LRRTM4: variants seen among roughly 807,000 people sequenced by gnomAD.
LRRTM4 encodes leucine-rich repeat transmembrane neuronal protein 4.
A neutral mutation model predicts 47.6 loss-of-function variants in LRRTM4; 25 were observed. That is an observed-to-expected ratio of 0.53 (90% confidence interval 0.38 to 0.73). LRRTM4 has a LOEUF of 0.73. Ranked by LOEUF, LRRTM4 falls within the 30% of genes least tolerant of loss-of-function variation. The pLI is 0.00. For missense variants in LRRTM4, 638 were observed against 713.4 expected, an observed-to-expected ratio of 0.89 and a Z score of 1.20; for synonymous variants, 311 against 269.5, an observed-to-expected ratio of 1.15 and a Z score of -1.51.
At chr2:76,881,854 T>C (rs1573250922) in intron 3 of LRRTM4, among the ~76,000 whole-genome samples, 1 of 152,182 alleles carries the variant, frequency 6.6e-6, no homozygotes, top group Non-Finnish European at 1.5e-5. Flanking sequence ...ATTCTAACAC[T>C]GAACTTTTTA....
intron 3 of LRRTM4, among the ~76,000 whole-genome samples, chr2:76,841,372 A>C (rs911554076): frequency 6.6e-6 from 1 of 151,888 alleles, no homozygotes; most frequent in African/African-American, 2.4e-5. Flanking sequence ...ACATGTATAC[A>C]TATGTAACAA....
chr2:77,457,374 T>C (rs1676603274), intron 3 of LRRTM4, among the ~76,000 whole-genome samples: 1 of 152,138 alleles, frequency 6.6e-6, no homozygotes, highest in East Asian at 1.9e-4. Context: ...ATCTAAATAC[T>C]CTTCAAGACC....
At chr2:77,482,319 C>T (rs569526083) in intron 3 of LRRTM4, among the ~76,000 whole-genome samples, 32 of 151,956 alleles carry the variant, frequency 2.1e-4, no homozygotes, top group African/African-American at 7.2e-4. Flanking sequence ...AATTGAATAC[C>T]CTACATGAGA....
chr2:76,805,905 C>A (rs1234443679), intron 3 of LRRTM4, among the ~76,000 whole-genome samples: 1 of 152,098 alleles, frequency 6.6e-6, no homozygotes, highest in Non-Finnish European at 1.5e-5. Context: ...TAGGCACAAG[C>A]TCTAATAAAT....
intron 3 of LRRTM4, among the ~76,000 whole-genome samples, chr2:77,207,776 A>G (rs940156455): frequency 7.0e-6 from 1 of 142,362 alleles, no homozygotes; most frequent in Non-Finnish European, 1.5e-5. Flanking sequence ...AATAAATTAT[A>G]TTCTGTTTTT....
intron 3 of LRRTM4, among the ~76,000 whole-genome samples, chr2:77,360,973 G>C (rs1048812748): frequency 6.6e-6 from 1 of 151,738 alleles, no homozygotes; most frequent in Non-Finnish European, 1.5e-5. Context: ...CCCAGACTAG[G>C]ATGAATCAAA....
chr2:77,058,251 T>C (rs747504158), intron 3 of LRRTM4, among the ~76,000 whole-genome samples: 2 of 152,160 alleles, frequency 1.3e-5, no homozygotes, highest in Non-Finnish European at 2.9e-5. Flanking sequence ...TTTTTTTAAG[T>C]TGCTTTTGGT....
intron 3 of LRRTM4, among the ~76,000 whole-genome samples, chr2:77,468,037 T>G (rs1677046124): frequency 6.6e-6 from 1 of 152,188 alleles, no homozygotes; most frequent in South Asian, 2.1e-4. Context: ...TTTGTATTTT[T>G]TATTTCATTA....
At chr2:77,223,942 C>A (rs1674723923) in intron 3 of LRRTM4, among the ~76,000 whole-genome samples, 1 of 152,116 alleles carries the variant, frequency 6.6e-6, no homozygotes, top group Non-Finnish European at 1.5e-5. Context: ...AGGCATCACG[C>A]TACCTGACTT....
intron 3 of LRRTM4, among the ~76,000 whole-genome samples, chr2:77,280,025 C>T (rs1021245315): frequency 6.6e-6 from 1 of 151,954 alleles, no homozygotes; most frequent in South Asian, 2.1e-4. Flanking sequence ...GTCTGCATGG[C>T]AAAGGATAAT....
intron 3 of LRRTM4, among the ~76,000 whole-genome samples, chr2:77,049,142 A>G (rs1270806636): frequency 1.5e-5 from 2 of 132,698 alleles, no homozygotes; most frequent in African/African-American, 3.2e-5. Flanking sequence ...ATATATATAT[A>G]TATATATATA....
intron 3 of LRRTM4, among the ~76,000 whole-genome samples, chr2:77,088,775 G>A (rs1465276503): frequency 6.6e-6 from 1 of 152,032 alleles, no homozygotes; most frequent in Non-Finnish European, 1.5e-5. Context: ...ACGACCTCAG[G>A]TCCTCAGACC....
At chr2:77,070,924 A>AT (rs976085674) in intron 3 of LRRTM4, among the ~76,000 whole-genome samples, 1 of 152,064 alleles carries the variant, frequency 6.6e-6, no homozygotes. Context: ...GGCCAAAAGT[A>AT]TTTTTTTGAA....
chr2:77,439,679 G>A (rs995711663), intron 3 of LRRTM4, among the ~76,000 whole-genome samples: 1 of 152,076 alleles, frequency 6.6e-6, no homozygotes, highest in African/African-American at 2.4e-5. Flanking sequence ...AGTTAACAGT[G>A]TTAATATGTT....
chr2:76,889,147 G>T (rs2104146135), intron 3 of LRRTM4, among the ~76,000 whole-genome samples: 1 of 151,930 alleles, frequency 6.6e-6, no homozygotes, highest in Non-Finnish European at 1.5e-5. Context: ...AACGTAAAAA[G>T]ATTTGATTTT....
At chr2:76,802,819 T>C (rs573324055) in intron 3 of LRRTM4, among the ~76,000 whole-genome samples, 9 of 152,246 alleles carry the variant, frequency 5.9e-5, no homozygotes, top group African/African-American at 1.9e-4. Context: ...CAATTGGTTT[T>C]TGACAAAGGG....
chr2:77,175,424 G>A (rs1247837901), intron 3 of LRRTM4, among the ~76,000 whole-genome samples: 1 of 152,066 alleles, frequency 6.6e-6, no homozygotes, highest in East Asian at 1.9e-4. Context: ...ATCCCTCTTG[G>A]CTTGGATAGA....
At chr2:77,369,536 T>C (rs1024411594) in intron 3 of LRRTM4, among the ~76,000 whole-genome samples, 6 of 151,806 alleles carry the variant, frequency 4.0e-5, no homozygotes, top group Non-Finnish European at 8.8e-5. Flanking sequence ...AAGTAGATGA[T>C]AGCTGCTGGG....
chr2:77,151,029 C>T (rs1246253520), intron 3 of LRRTM4, among the ~76,000 whole-genome samples: 1 of 152,060 alleles, frequency 6.6e-6, no homozygotes, highest in Non-Finnish European at 1.5e-5. Context: ...CGCATATTTA[C>T]TGTGTATGAT....
Sources: gnomAD v4.1 joint callset for allele counts (sites outside exome capture counted in the v4.1 genomes callset) on GRCh38, gnomAD v4.1.1 for gene constraint, MANE v1.5 for transcripts, NCBI Gene and HGNC (gene_info 2026-07-23, HGNC 2026-07-21) for gene names.